The following MAML2 variants were observed in gnomAD, a reference collection of about 807,000 sequenced individuals.
MAML2 encodes the protein mastermind like transcriptional coactivator 2.
MAML2 carries 22 observed loss-of-function variants against 96.1 expected under a neutral mutation model. The ratio of observed to expected loss-of-function variants is 0.23; its 90% confidence interval spans 0.16 to 0.33. The LOEUF (loss-of-function observed/expected upper bound fraction) is 0.33. Ranked by LOEUF, MAML2 falls within the 10% of genes least tolerant of loss-of-function variation. The pLI, the probability that MAML2 is intolerant of heterozygous loss-of-function variation, is 1.00. For synonymous variants in MAML2, 561 were observed against 521.3 expected (o/e 1.08, Z -1.04); for missense variants, 1,367 against 1,392.4 (o/e 0.98, Z 0.29).
chr11:96,037,703 C>T (rs1246221139), intron 2 of MAML2, among the ~76,000 whole-genome samples: 1 of 152,160 alleles, frequency 6.6e-6, no homozygotes, highest in African/African-American at 2.4e-5. Flanking sequence ...GATCTTTTCT[C>T]CCAGAGGGAG....
intron 1 of MAML2, among the ~76,000 whole-genome samples, chr11:96,281,394 C>T (rs1409122712): frequency 6.6e-6 from 1 of 151,986 alleles, no homozygotes; most frequent in Non-Finnish European, 1.5e-5. Flanking sequence ...GGGTCCAGGT[C>T]TGCTCTGGCT....
At chr11:96,146,792 A>G (rs1860829265) in intron 1 of MAML2, among the ~76,000 whole-genome samples, 1 of 150,834 alleles carries the variant, frequency 6.6e-6, no homozygotes. Flanking sequence ...TTTGTAAGAG[A>G]GAAGTAGTTT....
At position 96,149,866 on chromosome 11, in the gene MAML2, C is replaced by G. The variant is rs144327354; in HGVS notation, c.514-56349G>C. On this transcript the variant is annotated intron_variant, in intron 1 of 4. Transcript: ENST00000524717. ...CTCTCTTCTAAATTTCTCTGCTGATCTCTCCTTCTTCCTTTGTCTCTGCCT... is the reference window on the plus strand; with the variant it reads ...CTCTCTTCTAAATTTCTCTGCTGATGTCTCCTTCTTCCTTTGTCTCTGCCT... 2.9e-3 allele frequency among the ~76,000 whole-genome samples: 437 copies of G among 152,208 alleles called. 4 individuals carry two copies. The highest frequency in any genetic ancestry group is 0.01 in the African/African-American group (417 of 41,532).
At chr11:96,062,948 ACCTAATAACAGCTTTTTCAATGGCTT>A (rs1361966146) in intron 2 of MAML2, among the ~76,000 whole-genome samples, 14 of 152,074 alleles carry the variant, frequency 9.2e-5, no homozygotes, top group Non-Finnish European at 1.9e-4. Flanking sequence ...CAACCCCCCA[ACCTAATAACAGCTTTTTCAATGGCTT>A]CCCATTGATT....
At chr11:96,105,662 C>G (rs1860010172) in intron 1 of MAML2, among the ~76,000 whole-genome samples, 1 of 152,164 alleles carries the variant, frequency 6.6e-6, no homozygotes, top group African/African-American at 2.4e-5. Flanking sequence ...GCAACTGTAT[C>G]TAGGCTCAAT....
intron 1 of MAML2, among the ~76,000 whole-genome samples, chr11:96,229,039 A>G (rs1034561785): frequency 6.6e-6 from 1 of 152,332 alleles, no homozygotes; most frequent in Non-Finnish European, 1.5e-5. Context: ...CTATAGAAAT[A>G]AAGAGCTTTT....
intron 1 of MAML2, among the ~76,000 whole-genome samples, chr11:96,251,305 C>T (rs1862578552): frequency 6.6e-6 from 1 of 152,244 alleles, no homozygotes; most frequent in Admixed American, 6.5e-5. Context: ...CTAGAATTCA[C>T]AGCATGTGCT....
chr11:96,055,580 C>G (rs1027155224), intron 2 of MAML2, among the ~76,000 whole-genome samples: 1 of 152,188 alleles, frequency 6.6e-6, no homozygotes, highest in Non-Finnish European at 1.5e-5. Flanking sequence ...GACACCTTTG[C>G]TCCAGTGCTT....
At chr11:96,229,773 A>G (rs1014424340) in intron 1 of MAML2, among the ~76,000 whole-genome samples, 2 of 152,130 alleles carry the variant, frequency 1.3e-5, no homozygotes, top group Non-Finnish European at 2.9e-5. Flanking sequence ...AGGAAATTGT[A>G]GACTCTTTGG....
At chr11:96,131,826 A>G (rs1006589767) in intron 1 of MAML2, among the ~76,000 whole-genome samples, 1 of 152,184 alleles carries the variant, frequency 6.6e-6, no homozygotes, top group Admixed American at 6.5e-5. Flanking sequence ...CCTGGCCAAC[A>G]TGGTGAAACA....
intron 2 of MAML2, among the ~76,000 whole-genome samples, chr11:96,049,832 T>A (rs1858962790): frequency 6.6e-6 from 1 of 152,220 alleles, no homozygotes; most frequent in South Asian, 2.1e-4. Context: ...ACCTCATTAA[T>A]GTGGAATGAC....
At position 96,312,219 on chromosome 11, in the gene MAML2, C is replaced by CAAAAAAAAAAAAAAAAAA. The variant is rs34658278; in HGVS notation, c.513+29146_513+29163dup. ...TGGGCGACAGAGCAAGACTCTATCT[C>CAAAAAAAAAAAAAAAAAA]AAAAAAAAAAAAAAAAAAAAAAAAA... On this transcript the variant is annotated intron_variant, in intron 1 of 4. Transcript: ENST00000524717. 1.6e-3 allele frequency among the ~76,000 whole-genome samples: 81 copies of CAAAAAAAAAAAAAAAAAA among 51,556 alleles called. 6 individuals are homozygous for CAAAAAAAAAAAAAAAAAA. The highest frequency in any genetic ancestry group is 4.2e-3 in the East Asian group (6 of 1,414). 33.8% of individuals were successfully genotyped at this position (51,556 alleles called of 152,430 possible). A position where few individuals can be genotyped will look rare whatever the true frequency, so the allele number is the denominator to read the frequency against.
At chr11:96,327,835 C>T (rs1376381011) in intron 1 of MAML2, among the ~76,000 whole-genome samples, 4 of 152,134 alleles carry the variant, frequency 2.6e-5, no homozygotes, top group Non-Finnish European at 4.4e-5. Flanking sequence ...ATGCCTCACA[C>T]CTGTAATCCC....
At chr11:96,062,501 A>T (rs1590988663) in intron 2 of MAML2, among the ~76,000 whole-genome samples, 1 of 152,292 alleles carries the variant, frequency 6.6e-6, no homozygotes, top group African/African-American at 2.4e-5. Context: ...CAATTTACAG[A>T]ATGTGGATTT....
chr11:96,070,945 C>T (rs573335939), intron 2 of MAML2, among the ~76,000 whole-genome samples: 1 of 152,360 alleles, frequency 6.6e-6, no homozygotes, highest in South Asian at 2.1e-4. Context: ...TTGTGTATCT[C>T]TGTCTTCACT....
At chr11:96,252,104 T>G (rs1862589851) in intron 1 of MAML2, among the ~76,000 whole-genome samples, 1 of 152,010 alleles carries the variant, frequency 6.6e-6, no homozygotes, top group African/African-American at 2.4e-5. Context: ...AATTTCCAAT[T>G]GGGTCTAAAT....
At chr11:96,288,615 A>G (rs1011936933) in intron 1 of MAML2, among the ~76,000 whole-genome samples, 4 of 152,130 alleles carry the variant, frequency 2.6e-5, no homozygotes, top group Non-Finnish European at 5.9e-5. Flanking sequence ...TGAAAATCAA[A>G]CTGCCAAGCA....
intron 1 of MAML2, among the ~76,000 whole-genome samples, chr11:96,102,976 AGAATTTAC>A (rs1859959312): frequency 6.6e-6 from 1 of 152,222 alleles, no homozygotes. Flanking sequence ...CCTCCTCAGC[AGAATTTAC>A]GATGCATTAA....
intron 2 of MAML2, among the ~76,000 whole-genome samples, chr11:96,072,606 G>A (rs1018422229): frequency 6.6e-6 from 1 of 152,152 alleles, no homozygotes; most frequent in Non-Finnish European, 1.5e-5. Flanking sequence ...GTGGCATGCA[G>A]GTAAGGAAGA....
Sources: allele counts gnomAD v4.1 joint callset (sites outside exome capture counted in the v4.1 genomes callset), GRCh38; gene constraint gnomAD v4.1.1; transcripts MANE v1.5; gene names NCBI Gene and HGNC (gene_info 2026-07-23, HGNC 2026-07-21).